Variants in HIVEP2 observed in about 807,000 individuals in gnomAD.
The protein encoded by HIVEP2 is HIVEP zinc finger 2, also known as transcription factor HIVEP2.
Under a neutral mutation model 180.7 loss-of-function variants are expected in HIVEP2, and 14 were observed. That is an observed-to-expected ratio of 0.08 (90% CI 0.05 to 0.12). HIVEP2 has a LOEUF of 0.12. Ranked by LOEUF, HIVEP2 falls within the 10% of genes least tolerant of loss-of-function variation. The pLI is 1.00. For missense variants in HIVEP2, 2,579 were observed against 3,008.5 expected (o/e 0.86, Z 3.34); for synonymous variants, 1,184 against 1,136.4 (o/e 1.04, Z -0.84).
intron 6 of HIVEP2, among the ~76,000 whole-genome samples, chr6:142,767,047 T>A (rs1472236894): frequency 2.0e-5 from 3 of 152,130 alleles, no homozygotes; most frequent in African/African-American, 7.2e-5. Context: ...ATGGGCACAA[T>A]CCTTTTGGAT....
intron 2 of HIVEP2, among the ~76,000 whole-genome samples, chr6:142,810,457 T>A (rs1392595702): frequency 6.6e-6 from 1 of 151,976 alleles, no homozygotes; most frequent in Non-Finnish European, 1.5e-5. Context: ...GTCTTGAGTT[T>A]ATAGAAAAAC....
chr6:142,777,963 GA>G (rs1391771176), intron 3 of HIVEP2, among the ~76,000 whole-genome samples: 3 of 152,144 alleles, frequency 2.0e-5, no homozygotes, highest in Admixed American at 2.0e-4. Flanking sequence ...TGCACTTTGA[GA>G]GGGGAAAAGC....
intron 2 of HIVEP2, among the ~76,000 whole-genome samples, chr6:142,795,319 T>C (rs1776254782): frequency 6.6e-6 from 1 of 152,202 alleles, no homozygotes; most frequent in Non-Finnish European, 1.5e-5. Context: ...ACTTTCATTC[T>C]TTCTCACATA....
intron 1 of HIVEP2, among the ~76,000 whole-genome samples, chr6:142,912,801 A>C (rs1777448051): frequency 6.6e-6 from 1 of 152,194 alleles, no homozygotes; most frequent in Non-Finnish European, 1.5e-5. Flanking sequence ...CCATGGAAAA[A>C]TTCTCCTCCA....
chr6:142,839,452 T>C (rs77892585), intron 1 of HIVEP2, among the ~76,000 whole-genome samples: 2,134 of 152,240 alleles, frequency 0.014, 43 homozygotes, highest in African/African-American at 0.049. Flanking sequence ...ACATCTGACC[T>C]TTGTATTTCA....
intron 1 of HIVEP2, among the ~76,000 whole-genome samples, chr6:142,911,793 G>A (rs183267410): frequency 2.2e-4 from 33 of 152,298 alleles, no homozygotes; most frequent in Non-Finnish European, 2.9e-4. Flanking sequence ...TCTGTGATGC[G>A]TATGTGTGCA....
chr6:142,831,399 T>A (rs1775075632), intron 2 of HIVEP2, among the ~76,000 whole-genome samples: 1 of 152,204 alleles, frequency 6.6e-6, no homozygotes, highest in Non-Finnish European at 1.5e-5. Context: ...TTGCAGTGAC[T>A]GCTGCCCCCC....
At chr6:142,804,444 T>C (rs1562241642) in intron 2 of HIVEP2, among the ~76,000 whole-genome samples, 1 of 152,056 alleles carries the variant, frequency 6.6e-6, no homozygotes, top group Non-Finnish European at 1.5e-5. Flanking sequence ...AGGCAGGTAA[T>C]GAAGATGTGT....
intron 1 of HIVEP2, among the ~76,000 whole-genome samples, chr6:142,884,060 G>T (rs954187433): frequency 6.6e-6 from 1 of 152,052 alleles, no homozygotes; most frequent in African/African-American, 2.4e-5. Context: ...TAGCTGATTT[G>T]AAATGAGGCT....
chr6:142,793,678 TCTC>T (rs1776210947), intron 2 of HIVEP2, among the ~76,000 whole-genome samples: 9 of 142,604 alleles, frequency 6.3e-5, no homozygotes, highest in African/African-American at 2.1e-4. Flanking sequence ...TTTCTTTCTC[TCTC>T]TCTCTCTCTC....
chr6:142,909,102 T>C (rs1037038223), intron 1 of HIVEP2, among the ~76,000 whole-genome samples: 4 of 152,226 alleles, frequency 2.6e-5, no homozygotes, highest in Non-Finnish European at 5.9e-5. Flanking sequence ...ATATGGAGCC[T>C]GTGTGTCTGC....
In HIVEP2 at chr6:142,830,758, C is replaced by A. The variant is rs150693516; in HGVS notation, c.-528+6177G>T. ...TAGACAAACCAGCTTCTCTCTTTAC[C>A]TCATGTTTTCTATTAAAAGTGATAT... On this transcript the variant is annotated intron_variant, in intron 2 of 9. Transcript: ENST00000367603. Among the ~76,000 whole-genome samples the A allele has an allele frequency of 2.4e-3, 364 of 152,214 alleles. 1 individual carries two copies. Among genetic ancestry groups the A allele is most frequent in the African/African-American group, 8.3e-3 (343 of 41,526 alleles).
At chr6:142,893,389 A>T (rs1398343987) in intron 1 of HIVEP2, among the ~76,000 whole-genome samples, 1 of 152,200 alleles carries the variant, frequency 6.6e-6, no homozygotes, top group Non-Finnish European at 1.5e-5. Flanking sequence ...GTGCAATTCA[A>T]TTTCCCTTGA....
In HIVEP2 at chr6:142,901,217, T is replaced by G. The variant is rs544087746; in HGVS notation, c.-641+43882A>C. On this transcript the variant is annotated intron_variant, in intron 1 of 9. Coordinates refer to ENST00000367603, the MANE Select transcript of HIVEP2 (RefSeq NM_006734.4). ...TCCTGCCCTTTTTAACAGAGAAAATTTGTGACCTTATCACATCTAGGGGAG... is the reference window on the plus strand; with the variant it reads ...TCCTGCCCTTTTTAACAGAGAAAATGTGTGACCTTATCACATCTAGGGGAG... 6.6e-5 allele frequency among the ~76,000 whole-genome samples: 10 copies of G among 152,312 alleles called. No individual in the cohort carries two copies. The South Asian group carries it at 2.1e-3, about 32-fold the overall frequency.
At chr6:142,940,053 A>G (rs1019362135) in intron 1 of HIVEP2, among the ~76,000 whole-genome samples, 7 of 152,216 alleles carry the variant, frequency 4.6e-5, no homozygotes, top group Non-Finnish European at 1.0e-4. Context: ...GATACTTGCA[A>G]TCATGAGGAG....
Position 142,774,740 on chromosome 6 carries a change from T to C in HIVEP2, c.-2A>G. The stretch of plus-strand genomic sequence containing the variant: ...TAGAGCTGTGTCCCCAGTGTCCATT[T>C]TGTTACACAAGGTCTTAAGTGCTAG... On this transcript the variant is annotated 5_prime_UTR_variant, in exon 5 of 10. Transcript: ENST00000367603. This position sits in a 1 kb window ranked among gnomAD's most constrained non-coding sequence, Gnocchi z 5.1. 6.2e-7 allele frequency: 1 copy of C among 1,613,248 alleles called. No homozygotes were observed. The highest frequency in any genetic ancestry group is 1.1e-5 in the South Asian group (1 of 90,986).
chr6:142,829,029 C>A (rs1013504562), intron 2 of HIVEP2, among the ~76,000 whole-genome samples: 1 of 152,094 alleles, frequency 6.6e-6, no homozygotes, highest in Non-Finnish European at 1.5e-5. Context: ...CTTATGGAGA[C>A]TATCCCAATA....
chr6:142,883,024 T>C (rs1034036168), intron 1 of HIVEP2, among the ~76,000 whole-genome samples: 12 of 152,212 alleles, frequency 7.9e-5, no homozygotes, highest in Admixed American at 2.6e-4. Context: ...AAACCAAGTA[T>C]ACAGGGAAAT....
At chr6:142,802,475 G>C (rs747463207) in intron 2 of HIVEP2, among the ~76,000 whole-genome samples, 8 of 151,854 alleles carry the variant, frequency 5.3e-5, no homozygotes, top group Non-Finnish European at 1.0e-4. Flanking sequence ...GCTTTCTAAT[G>C]TATGAATGAA....
Sources: allele counts gnomAD v4.1 joint callset (sites outside exome capture counted in the v4.1 genomes callset), GRCh38; gene constraint gnomAD v4.1.1; non-coding constraint Gnocchi (gnomAD v3.1); transcripts MANE v1.5; gene names NCBI Gene and HGNC (gene_info 2026-07-23, HGNC 2026-07-21).